ROBO4: variants seen among roughly 807,000 people sequenced by gnomAD.
ROBO4 encodes the protein roundabout homolog 4.
In ROBO4, 80 loss-of-function variants were observed where a neutral mutation model predicts 103.3. The ratio of observed to expected loss-of-function variants is 0.77; its 90% CI spans 0.65 to 0.93. ROBO4 has a LOEUF of 0.93. ROBO4 is among the 40% of genes least tolerant of loss of function. The probability of loss-of-function intolerance (pLI) is 0.00; values close to 1 mark genes in which losing one functional copy is unlikely to be tolerated. For missense variants in ROBO4, 1,333 were observed against 1,305.3 expected (o/e 1.02, Z -0.33); for synonymous variants, 504 against 529.7 (o/e 0.95, Z 0.67).
chr11:124,887,537 C>A, intron 13 of ROBO4, 38 bp from the exon 14 acceptor site: 1 of 1,611,748 alleles, frequency 6.2e-7, no homozygotes, highest in South Asian at 1.1e-5. Context: ...ACAGTGGCAT[C>A]CCCATCTGCT....
intron 17 of ROBO4, 44 bp from the exon 18 acceptor site, chr11:124,884,957 C>T (rs1490984278): frequency 1.1e-5 from 17 of 1,614,012 alleles, no homozygotes; most frequent in Non-Finnish European, 1.4e-5. Flanking sequence ...TATCTCCCTT[C>T]CCCAGTGCCA....
chr11:124,891,627 G>GC (rs781619106), intron 11 of ROBO4, 39 bp downstream of exon 11: 4 of 1,614,048 alleles, frequency 2.5e-6, no homozygotes, highest in African/African-American at 2.7e-5. Flanking sequence ...TGAGATCACT[G>GC]CCCCCAGCTA....
chr11:124,897,454 C>T, intron 1 of ROBO4, 193 bp from the exon 2 acceptor site: 1 of 585,724 alleles, frequency 1.7e-6, no homozygotes, highest in Non-Finnish European at 3.0e-6. Flanking sequence ...CAGGCCAGGG[C>T]TTGCATAGCA....
intron 16 of ROBO4, among the ~76,000 whole-genome samples, chr11:124,886,047 T>C (rs965796886): frequency 6.6e-6 from 1 of 152,096 alleles, no homozygotes; most frequent in African/African-American, 2.4e-5. Flanking sequence ...AAAAATTAGC[T>C]GGGCATGGTG....
Position 124,897,021 on chromosome 11 carries a change from G to C in ROBO4, c.311C>G (p.Ala104Gly). 1 of 1,614,064 alleles carries C rather than the reference G, an allele frequency of 6.2e-7. No homozygotes were observed. Among genetic ancestry groups the C allele is most frequent in the Middle Eastern group, 1.7e-4 (1 of 6,044 alleles). ...PARGHAHDGQ[A>G]LSTDLGVYTC... Reference sequence around the variant, plus strand: ...GTAGACACCCAGGTCTGTGGACAGGGCCTGGCCATCGTGGGCATGTCCCCG... The same window carrying C: ...GTAGACACCCAGGTCTGTGGACAGGCCCTGGCCATCGTGGGCATGTCCCCG... Residue 104 changes from alanine to glycine, a missense_variant, in exon 2 of 18, where the codon GCC (alanine) becomes GGC (glycine). Physicochemically the swap from Ala to Gly is moderately conservative, Grantham distance 60. Transcript: ENST00000306534.
intron 7 of ROBO4, 147 bp from the exon 8 acceptor site, chr11:124,894,516 C>G (rs1946850979): frequency 1.4e-6 from 1 of 709,198 alleles, no homozygotes; most frequent in African/African-American, 1.8e-5. Context: ...CCCTCCTATT[C>G]TCCCTACCAA....
At position 124,891,469 on chromosome 11, in the gene ROBO4, G is replaced by A. The variant is rs1388037092; in HGVS notation, c.1778C>T (p.Thr593Ile). The stretch of plus-strand genomic sequence containing the variant: ...GACCTGGGGACTTGGCCTGGCTGGG[G>A]TACTGGAGGGCAGCTCAGCGATGAG... Reference protein sequence around the residue: ...GSLIAELPSSTPARPSPQVPA... With the variant: ...GSLIAELPSSIPARPSPQVPA... The change falls in exon 12 of 18, where the codon ACC (threonine) becomes ATC (isoleucine). Residue 593 changes from threonine (T) to isoleucine (I), a missense_variant. Physicochemically the swap from Thr to Ile is moderately conservative, Grantham distance 89 (BLOSUM62 -1). Coordinates refer to ENST00000306534, the MANE Select transcript of ROBO4 (RefSeq NM_019055.6). 3 of 1,611,732 alleles carry A rather than the reference G, an allele frequency of 1.9e-6. No homozygotes were observed. Among genetic ancestry groups the A allele is most frequent in the Non-Finnish European group, 2.5e-6 (3 of 1,178,790 alleles).
chr11:124,896,617 C>T lies in ROBO4; in HGVS notation c.454G>A (p.Glu152Lys), dbSNP rs1946895324. The T allele has an allele frequency of 1.9e-6, 3 of 1,614,142 alleles. No individual in the cohort carries two copies. The highest frequency in any genetic ancestry group is 1.1e-5 in the South Asian group (1 of 91,076). ...GGCCCACATTCCAGAGTAAACTGCTCACCCACCACAGCCACCATGTCCCGA... is the reference window on the plus strand; with the variant it reads ...GGCCCACATTCCAGAGTAAACTGCTTACCCACCACAGCCACCATGTCCCGA... Reference protein sequence around the residue: ...QPRDMVAVVGEQFTLECGPPW... With the variant: ...QPRDMVAVVGKQFTLECGPPW... Residue 152 changes from glutamate to lysine, a missense_variant, in exon 3 of 18, where the codon GAG becomes AAG. Coordinates refer to ENST00000306534, the MANE Select transcript of ROBO4 (RefSeq NM_019055.6).
chr11:124,897,052 G>A lies in ROBO4; in HGVS notation c.280C>T (p.Pro94Ser). The A allele has an allele frequency of 1.9e-6, 3 of 1,613,714 alleles. No homozygotes were observed. Among genetic ancestry groups the A allele is most frequent in the South Asian group, 2.2e-5 (2 of 90,998 alleles). ...CCATCGTGGGCATGTCCCCGGGCAGGGGGCTGTAGCAGCAGAAGGGTCCCA... is the reference window on the plus strand; with the variant it reads ...CCATCGTGGGCATGTCCCCGGGCAGAGGGCTGTAGCAGCAGAAGGGTCCCA... ...PDGTLLLLQP[P>S]ARGHAHDGQA... Residue 94 changes from proline (P) to serine (S), a missense_variant, in exon 2 of 18, where the codon CCT becomes TCT. Pro to Ser is a moderately conservative substitution (Grantham distance 74, BLOSUM62 -1). Coordinates refer to ENST00000306534, the MANE Select transcript of ROBO4 (RefSeq NM_019055.6).
At position 124,884,870 on chromosome 11, in the gene ROBO4, G is replaced by C; in HGVS notation, c.*21C>G. The C allele has an allele frequency of 1.2e-6, 2 of 1,614,060 alleles. No homozygotes were observed. The highest frequency in any genetic ancestry group is 1.7e-6 in the Non-Finnish European group (2 of 1,179,896). ...GGAGAAGTGGTTCTGATTCCCGTCT[G>C]GGAAGTCTCAGGGACACGGTTCAGG... On this transcript the variant is annotated 3_prime_UTR_variant, in exon 18 of 18. Transcript: ENST00000306534.
In ROBO4 at chr11:124,895,282, C is replaced by T. The variant is rs987159856; in HGVS notation, c.1037-89G>A. 7 of 1,215,986 alleles carry T rather than the reference C, an allele frequency of 5.8e-6. No homozygotes were observed. The African/African-American group carries it at 1.0e-4, about 18-fold the overall frequency. 75.3% of individuals were successfully genotyped at this position (1,215,986 alleles called of 1,614,324 possible). A position where few individuals can be genotyped will look rare whatever the true frequency, so the allele number is the denominator to read the frequency against. On this transcript the variant is annotated intron_variant, in intron 6 of 17. Transcript: ENST00000306534. ...GGCTGGGGGACACAGCGTCAGAACC[C>T]TACTGAAGAGACAAGAAGCCTCTTG...
Position 124,886,506 on chromosome 11 carries a change from C to G in ROBO4, c.2752G>C (p.Gly918Arg), listed in dbSNP as rs374407992. ...RALAVAVDSF[G>R]FGLEPREADC... ...GCCTCCCTGGGCTCTAGACCGAAAC[C>G]AAAGCTATCCACAGCCACTGCCAGG... Residue 918 changes from glycine (G) to arginine (R), a missense_variant, in exon 16 of 18, where the codon GGT (glycine) becomes CGT (arginine). Gly to Arg is a moderately radical substitution (Grantham distance 125). Transcript: ENST00000306534. The G allele has an allele frequency of 1.9e-6, 3 of 1,614,066 alleles. No individual in the cohort carries two copies. The highest frequency in any genetic ancestry group is 2.5e-6 in the Non-Finnish European group (3 of 1,180,036).
chr11:124,897,368 G>A, intron 1 of ROBO4, 107 bp from the exon 2 acceptor site: 1 of 891,538 alleles, frequency 1.1e-6, no homozygotes, highest in South Asian at 2.0e-5. Flanking sequence ...CAGAAAACCT[G>A]TAATCTGAAC....
chr11:124,891,117 AC>A (rs981919829), intron 12 of ROBO4, among the ~76,000 whole-genome samples, 181 bp downstream of exon 12: 4 of 151,918 alleles, frequency 2.6e-5, no homozygotes, highest in African/African-American at 7.3e-5. Flanking sequence ...AGGCTATTGC[AC>A]CCCTAGCTGA....
Position 124,891,974 on chromosome 11 carries a change from C to G in ROBO4, c.1548-172G>C, listed in dbSNP as rs184533063. The stretch of plus-strand genomic sequence containing the variant: ...CTCCTTAAGATCTCTGACCTGGTCC[C>G]CTAAACCCAGCACCCCTTTCTTATT... On this transcript the variant is annotated intron_variant, in intron 10 of 17. Coordinates refer to ENST00000306534, the MANE Select transcript of ROBO4 (RefSeq NM_019055.6). 2.0e-4 allele frequency: 161 copies of G among 806,478 alleles called. 1 individual carries two copies. The African/African-American group carries it at 2.4e-3, about 12-fold the overall frequency. 50.0% of individuals were successfully genotyped at this position (806,478 alleles called of 1,614,324 possible). A position where few individuals can be genotyped will look rare whatever the true frequency, so the allele number is the denominator to read the frequency against.
intron 16 of ROBO4, among the ~76,000 whole-genome samples, chr11:124,885,711 G>C (rs967318309): frequency 6.6e-6 from 1 of 152,074 alleles, no homozygotes; most frequent in East Asian, 1.9e-4. Flanking sequence ...CTGACATGGA[G>C]ATAAAGGTCC....
At chr11:124,888,741 T>C (rs7129737) in intron 12 of ROBO4, among the ~76,000 whole-genome samples, 35,609 of 152,132 alleles carry the variant, frequency 0.23, 5,581 homozygotes, top group African/African-American at 0.45. Context: ...GAGACAGCCC[T>C]AACTATGTGC....
intron 10 of ROBO4, among the ~76,000 whole-genome samples, chr11:124,893,384 A>G (rs1946828372): frequency 6.6e-6 from 1 of 152,194 alleles, no homozygotes; most frequent in Non-Finnish European, 1.5e-5. Flanking sequence ...GAGACATTTG[A>G]GGTGGTCGTC....
chr11:124,887,970 CT>C, intron 12 of ROBO4, 130 bp from the exon 13 acceptor site: 1 of 686,398 alleles, frequency 1.5e-6, no homozygotes, highest in East Asian at 2.8e-5. Context: ...GGGGAACCCC[CT>C]GAATCCCCTC....
Sources: allele counts gnomAD v4.1 joint callset (sites outside exome capture counted in the v4.1 genomes callset), GRCh38; gene constraint gnomAD v4.1.1; transcripts MANE v1.5; gene names NCBI Gene and HGNC (gene_info 2026-07-23, HGNC 2026-07-21).